Variants in DGKI observed in about 807,000 individuals in gnomAD.
DGKI encodes diacylglycerol kinase iota.
A neutral mutation model predicts 147.5 loss-of-function variants in DGKI; 55 were observed. That is an observed-to-expected ratio of 0.37 (90% CI 0.30 to 0.47). DGKI has a LOEUF of 0.47. Among genes scored for constraint, DGKI ranks in the 20% least tolerant of loss-of-function variants. The pLI is 1.00. For missense variants in DGKI, 1,007 were observed against 1,323.8 expected (o/e 0.76, Z 3.71); for synonymous variants, 469 against 477.1 (o/e 0.98, Z 0.22).
rs571415422 is a variant in DGKI at position 137,391,124 on chromosome 7, T to C, written c.*96A>G. On this transcript the variant is annotated 3_prime_UTR_variant, in exon 33 of 33. Transcript: ENST00000614521. The stretch of plus-strand genomic sequence containing the variant: ...GATTCTTGCAGGAGAGAGACAGATA[T>C]ATGAATTCCATCAGCTTCTTCCAGG... The C allele has an allele frequency of 6.2e-5, 58 of 933,828 alleles. No homozygotes were observed. In the African/African-American group the frequency reaches 8.4e-4, roughly 13 times the overall value. 57.8% of individuals were successfully genotyped at this position (933,828 alleles called of 1,614,324 possible). A position where few individuals can be genotyped will look rare whatever the true frequency, so the allele number is the denominator to read the frequency against.
At chr7:137,687,770 A>G (rs543275106) in intron 2 of DGKI, among the ~76,000 whole-genome samples, 11 of 152,306 alleles carry the variant, frequency 7.2e-5, no homozygotes, top group African/African-American at 2.6e-4. Flanking sequence ...CCTCAGATGG[A>G]CTGTCTCAAG....
At chr7:137,424,818 T>C (rs1315832860) in intron 28 of DGKI, among the ~76,000 whole-genome samples, 4 of 152,046 alleles carry the variant, frequency 2.6e-5, no homozygotes, top group Non-Finnish European at 4.4e-5. Flanking sequence ...AACTGCAAGG[T>C]GGGAGCGAGA....
chr7:137,724,204 G>T (rs933096846), intron 1 of DGKI, among the ~76,000 whole-genome samples: 1 of 152,182 alleles, frequency 6.6e-6, no homozygotes, highest in Non-Finnish European at 1.5e-5. Flanking sequence ...TTGGACCTCA[G>T]CAAGCGAGGG....
At chr7:137,632,397 C>A (rs1036933982) in intron 6 of DGKI, among the ~76,000 whole-genome samples, 1 of 152,302 alleles carries the variant, frequency 6.6e-6, no homozygotes, top group Admixed American at 6.5e-5. Flanking sequence ...TATGGTAACA[C>A]TTTTCTGGTC....
intron 1 of DGKI, among the ~76,000 whole-genome samples, chr7:137,704,341 A>C (rs933424190): frequency 5.9e-5 from 9 of 152,226 alleles, no homozygotes; most frequent in Non-Finnish European, 1.2e-4. Flanking sequence ...GCCAAATAGA[A>C]ATTCTGAAGT....
intron 1 of DGKI, among the ~76,000 whole-genome samples, chr7:137,705,187 T>C (rs1483289158): frequency 6.6e-6 from 1 of 152,140 alleles, no homozygotes; most frequent in African/African-American, 2.4e-5. Flanking sequence ...TTGACAACTA[T>C]TAGACAGTTT....
intron 1 of DGKI, among the ~76,000 whole-genome samples, chr7:137,777,005 C>T (rs1796381018): frequency 6.6e-6 from 1 of 151,910 alleles, no homozygotes; most frequent in Non-Finnish European, 1.5e-5. Flanking sequence ...GGAAACACAG[C>T]AAGACCCTGT....
intron 21 of DGKI, among the ~76,000 whole-genome samples, chr7:137,503,805 G>A (rs1184141962): frequency 6.6e-6 from 1 of 152,046 alleles, no homozygotes; most frequent in Non-Finnish European, 1.5e-5. Flanking sequence ...TGAAGATTAA[G>A]TCCTACCTAT....
In DGKI at chr7:137,384,605, T is replaced by G. The variant is rs1210869231; in HGVS notation, c.*6615A>C. The G allele has an allele frequency of 6.6e-6, 1 of 152,080 alleles. No homozygotes were observed. The highest frequency in any genetic ancestry group is 1.9e-4 in the East Asian group (1 of 5,200). The allele number at this position is 152,080 out of a possible 1,614,324, so 9.4% of individuals were successfully genotyped here. The stretch of plus-strand genomic sequence containing the variant: ...ACTGCTCTGAGATTCAGTGCATTCA[T>G]CTAAAATGTATTATATGCATTATTC... On this transcript the variant is annotated 3_prime_UTR_variant, in exon 33 of 33. Coordinates refer to ENST00000614521, the MANE Select transcript of DGKI (RefSeq NM_001321708.2).
At chr7:137,798,664 C>T (rs1797106768) in intron 1 of DGKI, among the ~76,000 whole-genome samples, 1 of 152,128 alleles carries the variant, frequency 6.6e-6, no homozygotes, top group Non-Finnish European at 1.5e-5. Flanking sequence ...AAGCAATCCA[C>T]CCACTTCAGC....
intron 5 of DGKI, among the ~76,000 whole-genome samples, chr7:137,645,776 G>A (rs576019597): frequency 6.6e-6 from 1 of 152,216 alleles, no homozygotes; most frequent in African/African-American, 2.4e-5. Flanking sequence ...TTTTTAATGT[G>A]GTAATACTAT....
chr7:137,435,474 CTAAA>C (rs1397304939), intron 28 of DGKI, among the ~76,000 whole-genome samples: 1 of 151,926 alleles, frequency 6.6e-6, no homozygotes, highest in African/African-American at 2.4e-5. Flanking sequence ...AAGCTTATGG[CTAAA>C]TAAAGACAAG....
intron 1 of DGKI, among the ~76,000 whole-genome samples, chr7:137,732,126 T>C (rs1381791436): frequency 1.3e-5 from 2 of 152,102 alleles, no homozygotes; most frequent in Non-Finnish European, 2.9e-5. Context: ...TCTATATAAA[T>C]ATTAGCTAGT....
At chr7:137,790,113 C>T (rs1796805164) in intron 1 of DGKI, among the ~76,000 whole-genome samples, 1 of 152,170 alleles carries the variant, frequency 6.6e-6, no homozygotes. Flanking sequence ...AATGAATAAG[C>T]ATGGCTGTAT....
chr7:137,724,833 G>T (rs1253109353), intron 1 of DGKI, among the ~76,000 whole-genome samples: 1 of 152,146 alleles, frequency 6.6e-6, no homozygotes, highest in Non-Finnish European at 1.5e-5. Context: ...GCATATAAAT[G>T]GTATATAAAG....
At chr7:137,690,122 A>T (rs1823555620) in intron 1 of DGKI, 120 bp from the exon 2 acceptor site, 1 of 639,896 alleles carries the variant, frequency 1.6e-6, no homozygotes, top group Non-Finnish European at 2.5e-6. Flanking sequence ...TCCACATCTG[A>T]AAATCTTTAC....
At chr7:137,504,302 A>G (rs1816289819) in intron 21 of DGKI, among the ~76,000 whole-genome samples, 1 of 152,238 alleles carries the variant, frequency 6.6e-6, no homozygotes. Context: ...TACTGTTAAA[A>G]TAGAATTGCA....
At chr7:137,448,313 A>C (rs1813793104) in intron 27 of DGKI, among the ~76,000 whole-genome samples, 1 of 151,592 alleles carries the variant, frequency 6.6e-6, no homozygotes, top group Middle Eastern at 3.2e-3. Flanking sequence ...AAAAAAAAAA[A>C]AAAAAACTCA....
In DGKI at chr7:137,572,794, G is replaced by A. The variant is rs999321739; in HGVS notation, c.1806C>T (p.Phe602=). Residue 602 remains phenylalanine (F), a synonymous_variant, in exon 18 of 33, where the codon TTC becomes TTT. Coordinates refer to ENST00000614521, the MANE Select transcript of DGKI (RefSeq NM_001321708.2). The part of the protein sequence containing the change: ...DLTPKIQELK[F]QCIVFLNIPR... ...GTATATTTAAAAATACTATACACTGGAACTTCAGTTCCTGAATCTTTGGGG... is the reference window on the plus strand; with the variant it reads ...GTATATTTAAAAATACTATACACTGAAACTTCAGTTCCTGAATCTTTGGGG... 5.6e-6 allele frequency: 9 copies of A among 1,611,980 alleles called. No homozygotes were observed. The Admixed American group carries it at 1.5e-4, about 27-fold the overall frequency.
Sources: gnomAD v4.1 joint callset for allele counts (sites outside exome capture counted in the v4.1 genomes callset) on GRCh38, gnomAD v4.1.1 for gene constraint, MANE v1.5 for transcripts, NCBI Gene and HGNC (gene_info 2026-07-23, HGNC 2026-07-21) for gene names.